Variants in FBXL17 observed in about 807,000 individuals in gnomAD.
The protein encoded by FBXL17 is F-box/LRR-repeat protein 17.
Under a neutral mutation model 66.2 loss-of-function variants are expected in FBXL17, and 22 were observed. The observed-to-expected ratio is 0.33, with a 90% CI of 0.24 to 0.47. The LOEUF (loss-of-function observed/expected upper bound fraction) is 0.47. FBXL17 is among the 20% of genes least tolerant of loss of function. FBXL17 has a pLI of 1.00. For synonymous variants in FBXL17, 474 were observed against 400.5 expected (o/e 1.18, Z -2.19); for missense variants, 878 against 948.2 (o/e 0.93, Z 0.97).
chr5:107,882,450 A>G (rs908251222), intron 7 of FBXL17, among the ~76,000 whole-genome samples: 1 of 152,114 alleles, frequency 6.6e-6, no homozygotes, highest in African/African-American at 2.4e-5. Context: ...AACAACAATC[A>G]TGATCCCAGT....
At chr5:107,977,205 C>A (rs2112661556) in intron 7 of FBXL17, among the ~76,000 whole-genome samples, 1 of 152,248 alleles carries the variant, frequency 6.6e-6, no homozygotes, top group South Asian at 2.1e-4. Context: ...GTAAACTGCA[C>A]ATGTTCCAAT....
chr5:108,154,642 C>T (rs1245323241), intron 6 of FBXL17, among the ~76,000 whole-genome samples: 4 of 96,276 alleles, frequency 4.2e-5, no homozygotes, highest in Non-Finnish European at 6.3e-5. Flanking sequence ...CACACACACA[C>T]ACACACATAT....
At chr5:108,368,253 A>T (rs1458745464) in intron 1 of FBXL17, among the ~76,000 whole-genome samples, 1 of 151,914 alleles carries the variant, frequency 6.6e-6, no homozygotes, top group East Asian at 1.9e-4. Flanking sequence ...AATTGAAAGC[A>T]TTAACCAAAA....
At chr5:108,075,644 T>A (rs1748514568) in intron 6 of FBXL17, among the ~76,000 whole-genome samples, 1 of 152,044 alleles carries the variant, frequency 6.6e-6, no homozygotes, top group Non-Finnish European at 1.5e-5. Context: ...CCCAGCAAAT[T>A]TTTGGTATTT....
At chr5:108,217,531 T>C (rs2150068287) in intron 5 of FBXL17, among the ~76,000 whole-genome samples, 1 of 152,240 alleles carries the variant, frequency 6.6e-6, no homozygotes, top group Middle Eastern at 3.4e-3. Context: ...CTCTCTTCTT[T>C]TTGCTTTCCA....
intron 7 of FBXL17, among the ~76,000 whole-genome samples, chr5:107,985,930 T>C (rs1752995628): frequency 6.6e-6 from 1 of 152,312 alleles, no homozygotes; most frequent in African/African-American, 2.4e-5. Context: ...AGCTGGGCTA[T>C]GTGTACAGGG....
chr5:107,871,622 C>T (rs1316239474), intron 8 of FBXL17, among the ~76,000 whole-genome samples: 1 of 152,064 alleles, frequency 6.6e-6, no homozygotes, highest in African/African-American at 2.4e-5. Context: ...ATGCTCAAAT[C>T]TATGCATATG....
intron 6 of FBXL17, among the ~76,000 whole-genome samples, chr5:108,163,898 A>G (rs1325695645): frequency 6.6e-6 from 1 of 152,224 alleles, no homozygotes; most frequent in Admixed American, 6.5e-5. Flanking sequence ...AGAAAAATAA[A>G]GTCTTTATTG....
chr5:107,916,998 T>G (rs1461976174), intron 7 of FBXL17, among the ~76,000 whole-genome samples: 1 of 152,230 alleles, frequency 6.6e-6, no homozygotes, highest in Non-Finnish European at 1.5e-5. Context: ...TAGGATTTCC[T>G]ATTTCATAGC....
chr5:108,081,817 T>C (rs538606527), intron 6 of FBXL17, among the ~76,000 whole-genome samples: 2 of 152,146 alleles, frequency 1.3e-5, no homozygotes, highest in African/African-American at 4.8e-5. Flanking sequence ...CACATAAATG[T>C]CCAAGTCATT....
At chr5:108,379,150 A>G (rs1749656669) in intron 1 of FBXL17, among the ~76,000 whole-genome samples, 1 of 152,194 alleles carries the variant, frequency 6.6e-6, no homozygotes, top group Non-Finnish European at 1.5e-5. Context: ...TTATGAGATC[A>G]TGTCCCTTTT....
At chr5:108,070,752 G>T (rs1748297544) in intron 6 of FBXL17, among the ~76,000 whole-genome samples, 1 of 152,176 alleles carries the variant, frequency 6.6e-6, no homozygotes, top group Non-Finnish European at 1.5e-5. Context: ...TGACTAGTGA[G>T]ATTAAGATAA....
intron 6 of FBXL17, among the ~76,000 whole-genome samples, chr5:108,107,673 A>C (rs34421701): frequency 6.6e-6 from 1 of 151,682 alleles, no homozygotes; most frequent in African/African-American, 2.4e-5. Flanking sequence ...TTAGCCAGGC[A>C]TGGTGGCGGG....
chr5:108,314,755 T>G (rs1346484952), intron 4 of FBXL17, among the ~76,000 whole-genome samples: 1 of 151,488 alleles, frequency 6.6e-6, no homozygotes, highest in Admixed American at 6.6e-5. Context: ...ATTAAAGTCC[T>G]AAGATTTATA....
intron 4 of FBXL17, among the ~76,000 whole-genome samples, chr5:108,321,472 G>T (rs1759616288): frequency 1.3e-5 from 2 of 151,762 alleles, no homozygotes; most frequent in African/African-American, 4.8e-5. Context: ...AAAAAAAATG[G>T]CCACTGATTT....
chr5:108,115,434 G>A (rs1750211250), intron 6 of FBXL17, among the ~76,000 whole-genome samples: 2 of 151,678 alleles, frequency 1.3e-5, no homozygotes. Context: ...TTCTAGAACG[G>A]ACCTTATTTT....
chr5:108,076,582 G>A (rs1443485156), intron 6 of FBXL17, among the ~76,000 whole-genome samples: 21 of 152,118 alleles, frequency 1.4e-4, no homozygotes. Context: ...ATATCACCCT[G>A]AAATATATTT....
At chr5:108,217,398 ATCT>A (rs1205280006) in intron 5 of FBXL17, among the ~76,000 whole-genome samples, 1 of 152,150 alleles carries the variant, frequency 6.6e-6, no homozygotes, top group East Asian at 1.9e-4. Flanking sequence ...TACCTATAGT[ATCT>A]GTAGTTTTCT....
intron 5 of FBXL17, among the ~76,000 whole-genome samples, chr5:108,213,365 G>C (rs1580626277): frequency 6.6e-6 from 1 of 152,216 alleles, no homozygotes; most frequent in Admixed American, 6.5e-5. Flanking sequence ...CCTGCAGTTA[G>C]TTCGGTGTCT....
Sources: allele counts gnomAD v4.1 joint callset (sites outside exome capture counted in the v4.1 genomes callset), GRCh38; gene constraint gnomAD v4.1.1; transcripts MANE v1.5; gene names NCBI Gene and HGNC (gene_info 2026-07-23, HGNC 2026-07-21).